MELK: variants seen among roughly 807,000 people sequenced by gnomAD.
MELK encodes pEg3 kinase.
A neutral mutation model predicts 85.0 loss-of-function variants in MELK; 81 were observed. The observed-to-expected ratio is 0.95, with a 90% CI of 0.80 to 1.15. The LOEUF is 1.15. Among genes scored for constraint, MELK ranks in the 50% most tolerant of loss-of-function variants. MELK has a pLI of 0.00. For missense variants in MELK, 754 were observed against 777.5 expected, an observed-to-expected ratio of 0.97 and a Z score of 0.36; for synonymous variants, 252 against 265.0, an observed-to-expected ratio of 0.95 and a Z score of 0.48.
In MELK at chr9:36,666,954, T is replaced by C. The variant is rs182006522; in HGVS notation, c.1408+1373T>C. ...GCGGTGGCGCTGCCTGTGGTTGTTATGAGAATTCAGTGAGATAGCCTCTAC... is the reference window on the plus strand; with the variant it reads ...GCGGTGGCGCTGCCTGTGGTTGTTACGAGAATTCAGTGAGATAGCCTCTAC... On this transcript the variant is annotated intron_variant, in intron 14 of 17. Coordinates refer to ENST00000298048, the MANE Select transcript of MELK (RefSeq NM_014791.4). 3.3e-3 allele frequency among the ~76,000 whole-genome samples: 503 copies of C among 150,822 alleles called. 1 individual carries two copies. Among genetic ancestry groups the C allele is most frequent in the Non-Finnish European group, 5.3e-3 (359 of 67,770 alleles).
chr9:36,673,019 G>T (rs1460431148), intron 16 of MELK, among the ~76,000 whole-genome samples: 1 of 152,178 alleles, frequency 6.6e-6, no homozygotes, highest in African/African-American at 2.4e-5. Flanking sequence ...TACCGGAAGA[G>T]TTGCAAGGAT....
At chr9:36,592,172 C>CTTTTTTTTT (rs35073009) in intron 4 of MELK, among the ~76,000 whole-genome samples, 5 of 117,324 alleles carry the variant, frequency 4.3e-5, no homozygotes, top group Non-Finnish European at 5.2e-5. Context: ...CATTTCTTTT[C>CTTTTTTTTT]TTTTTTTTTT....
chr9:36,652,349 T>G (rs953254607), intron 12 of MELK, among the ~76,000 whole-genome samples: 2 of 151,536 alleles, frequency 1.3e-5, no homozygotes, highest in Non-Finnish European at 2.9e-5. Context: ...GCCCGGCCTC[T>G]AAAATTCTGA....
chr9:36,642,395 A>G (rs148440804), intron 10 of MELK, among the ~76,000 whole-genome samples: 117 of 145,426 alleles, frequency 8.0e-4, no homozygotes, highest in African/African-American at 2.9e-3. Flanking sequence ...GGGAGTATAC[A>G]GTCCCTGGGC....
At chr9:36,583,500 C>A (rs1300763273) in intron 2 of MELK, 127 bp from the exon 3 acceptor site, 9 of 430,694 alleles carry the variant, frequency 2.1e-5, no homozygotes, top group African/African-American at 1.3e-4. Context: ...CAAGCAGCAA[C>A]AGGAAAAAAA....
chr9:36,628,933 C>T (rs1288174528), intron 8 of MELK, among the ~76,000 whole-genome samples: 1 of 143,436 alleles, frequency 7.0e-6, no homozygotes, highest in Non-Finnish European at 1.5e-5. Context: ...GTGACACGAT[C>T]TGGGCTCACC....
chr9:36,613,094 G>C (rs1451250621), intron 8 of MELK, among the ~76,000 whole-genome samples: 1 of 152,070 alleles, frequency 6.6e-6, no homozygotes, highest in Non-Finnish European at 1.5e-5. Flanking sequence ...TGCCTCACTT[G>C]TGCCACCCAC....
At chr9:36,581,513 TCATATGGCCAATAATCAG>T in intron 1 of MELK, 113 bp from the exon 2 acceptor site, 2 of 523,104 alleles carry the variant, frequency 3.8e-6, no homozygotes, top group African/African-American at 2.0e-5. Context: ...ATCCTTTTTT[TCATATGGCCAATAATCAG>T]TTTTTTCAGT....
intron 7 of MELK, among the ~76,000 whole-genome samples, chr9:36,603,848 TTTCTGC>T (rs1825171940): frequency 6.6e-6 from 1 of 152,204 alleles, no homozygotes; most frequent in Admixed American, 6.5e-5. Context: ...AAAAATGCTT[TTTCTGC>T]TTTCTTTTTT....
chr9:36,675,065 C>G (rs1833229184), intron 17 of MELK, 128 bp downstream of exon 17: 2 of 551,382 alleles, frequency 3.6e-6, no homozygotes, highest in Non-Finnish European at 6.5e-6. Context: ...GTGGGCAGAT[C>G]ACTTGAGGCC....
intron 2 of MELK, among the ~76,000 whole-genome samples, chr9:36,582,097 A>G (rs7046420): frequency 0.23 from 34,607 of 151,574 alleles, 6,376 homozygotes; most frequent in African/African-American, 0.52. Flanking sequence ...TCAGCCTCCC[A>G]AGTAGCTGGG....
chr9:36,638,295 GT>G (rs973274578), intron 10 of MELK, among the ~76,000 whole-genome samples: 10 of 151,528 alleles, frequency 6.6e-5, no homozygotes, highest in African/African-American at 2.2e-4. Flanking sequence ...TTTTTTGTTT[GT>G]TTTTTTGAAA....
intron 9 of MELK, 135 bp from the exon 10 acceptor site, chr9:36,632,967 T>C (rs1828788672): frequency 4.5e-6 from 3 of 662,286 alleles, no homozygotes; most frequent in Admixed American, 6.7e-5. Flanking sequence ...CAAGGCCATT[T>C]TAAAGTCTTT....
intron 11 of MELK, among the ~76,000 whole-genome samples, chr9:36,645,232 T>C (rs1830118006): frequency 7.2e-6 from 1 of 137,966 alleles, no homozygotes; most frequent in Non-Finnish European, 1.5e-5. Flanking sequence ...CACTCCAGCC[T>C]GGTGACAGAG....
intron 8 of MELK, among the ~76,000 whole-genome samples, chr9:36,611,159 G>A (rs943196559): frequency 1.3e-5 from 2 of 152,164 alleles, no homozygotes; most frequent in South Asian, 4.1e-4. Context: ...TGTATTATAA[G>A]CTGCTAGGAT....
At chr9:36,598,552 C>G (rs927273224) in intron 6 of MELK, among the ~76,000 whole-genome samples, 3 of 152,088 alleles carry the variant, frequency 2.0e-5, no homozygotes, top group African/African-American at 7.2e-5. Flanking sequence ...GGAGGATGAG[C>G]AGATTACTCA....
chr9:36,636,518 T>TA (rs201203470), intron 10 of MELK, among the ~76,000 whole-genome samples: 2,187 of 150,762 alleles, frequency 0.015, 51 homozygotes, highest in African/African-American at 0.05. Flanking sequence ...ATAAATTAAT[T>TA]AAAAAAAAAC....
intron 11 of MELK, among the ~76,000 whole-genome samples, chr9:36,649,669 T>C (rs1281043883): frequency 6.6e-6 from 1 of 151,950 alleles, no homozygotes; most frequent in Non-Finnish European, 1.5e-5. Context: ...CTCGGGACCC[T>C]GAGGCGAGAG....
At chr9:36,654,981 G>A (rs1408363148) in intron 12 of MELK, among the ~76,000 whole-genome samples, 1 of 152,134 alleles carries the variant, frequency 6.6e-6, no homozygotes, top group Non-Finnish European at 1.5e-5. Flanking sequence ...TCTCTGGGGT[G>A]TTGTTTATAA....
Sources: allele counts gnomAD v4.1 joint callset (sites outside exome capture counted in the v4.1 genomes callset), GRCh38; gene constraint gnomAD v4.1.1; transcripts MANE v1.5; gene names NCBI Gene and HGNC (gene_info 2026-07-23, HGNC 2026-07-21).